The following RCN2 variants were observed in gnomAD, a reference collection of about 807,000 sequenced individuals.
The protein encoded by RCN2 is reticulocalbin 2.
RCN2 carries 23 observed loss-of-function variants against 37.5 expected under a neutral mutation model. The ratio of observed to expected loss-of-function variants is 0.61; its 90% CI spans 0.44 to 0.87. The LOEUF (loss-of-function observed/expected upper bound fraction) is 0.87, where lower values mean the gene tolerates loss of function less well. Among genes scored for constraint, RCN2 ranks in the 40% least tolerant of loss-of-function variants. The pLI, the probability that RCN2 is intolerant of heterozygous loss-of-function variation, is 0.00. For synonymous variants in RCN2, 140 were observed against 144.6 expected, an observed-to-expected ratio of 0.97 and a Z score of 0.23; for missense variants, 381 against 390.4, an observed-to-expected ratio of 0.98 and a Z score of 0.20.
intron 4 of RCN2, among the ~76,000 whole-genome samples, chr15:76,944,627 T>C (rs1234150193): frequency 6.6e-6 from 1 of 152,216 alleles, no homozygotes; most frequent in Non-Finnish European, 1.5e-5. Flanking sequence ...GGGATGTTTG[T>C]CTTTCTGTGC....
chr15:76,936,116 C>T (rs552307571), intron 3 of RCN2, among the ~76,000 whole-genome samples: 2 of 151,574 alleles, frequency 1.3e-5, no homozygotes, highest in African/African-American at 4.8e-5. Flanking sequence ...AAAAAAACTG[C>T]GGTTTCCACA....
chr15:76,936,177 TAA>T (rs550666333), intron 3 of RCN2, among the ~76,000 whole-genome samples: 6 of 144,646 alleles, frequency 4.1e-5, no homozygotes, highest in African/African-American at 1.5e-4. Context: ...AAGTAAGTAT[TAA>T]AAAAAAAAAA....
At chr15:76,932,614 A>ACTTT in intron 2 of RCN2, 148 bp downstream of exon 2, 2 of 627,380 alleles carry the variant, frequency 3.2e-6, no homozygotes, top group Non-Finnish European at 5.7e-6. Context: ...TTATACTTAC[A>ACTTT]AATCTTTAGA....
chr15:76,936,465 C>T (rs985653353), intron 3 of RCN2, among the ~76,000 whole-genome samples: 1 of 151,946 alleles, frequency 6.6e-6, no homozygotes, highest in Non-Finnish European at 1.5e-5. Context: ...CTAAGGAGTG[C>T]GCAACGAAGA....
chr15:76,940,183 A>G (rs766273396), intron 3 of RCN2, among the ~76,000 whole-genome samples: 35 of 151,966 alleles, frequency 2.3e-4, no homozygotes, highest in African/African-American at 7.0e-4. Flanking sequence ...AGAATTTGCT[A>G]TAAGTAACTT....
intron 3 of RCN2, among the ~76,000 whole-genome samples, chr15:76,937,352 T>C (rs978758634): frequency 6.6e-6 from 1 of 152,154 alleles, no homozygotes; most frequent in Non-Finnish European, 1.5e-5. Context: ...CTATTTTTAA[T>C]TTTTTGAGAA....
intron 3 of RCN2, among the ~76,000 whole-genome samples, chr15:76,936,859 A>G (rs554816694): frequency 4.6e-5 from 7 of 152,168 alleles, no homozygotes; most frequent in Non-Finnish European, 8.8e-5. Context: ...AAGTACATTC[A>G]TGGTGTTGTG....
At chr15:76,947,720 C>A in intron 5 of RCN2, 2 of 463,486 alleles carry the variant, frequency 4.3e-6, no homozygotes, top group Non-Finnish European at 7.6e-6. Context: ...CTTTTACTTC[C>A]GTGTCTAGAG....
chr15:76,937,208 G>A (rs1299315268), intron 3 of RCN2, among the ~76,000 whole-genome samples: 1 of 152,062 alleles, frequency 6.6e-6, no homozygotes, highest in Admixed American at 6.6e-5. Context: ...AACTTTTGGA[G>A]CACTGACACG....
chr15:76,939,471 A>AT, intron 3 of RCN2, among the ~76,000 whole-genome samples: 1 of 152,194 alleles, frequency 6.6e-6, no homozygotes, highest in East Asian at 1.9e-4. Context: ...TTAGGATTTT[A>AT]TTTTTTAAGG....
chr15:76,938,254 G>T (rs367654065), intron 3 of RCN2, among the ~76,000 whole-genome samples: 442 of 152,156 alleles, frequency 2.9e-3, no homozygotes, highest in African/African-American at 0.01. Flanking sequence ...ATAATTTATT[G>T]TATTAAACAA....
intron 4 of RCN2, among the ~76,000 whole-genome samples, chr15:76,944,270 C>T (rs1241401471): frequency 2.0e-5 from 3 of 151,918 alleles, no homozygotes; most frequent in Non-Finnish European, 1.5e-5. Flanking sequence ...CGTGAGCCAC[C>T]GCGCCCGGCC....
intron 3 of RCN2, chr15:76,941,606 A>G (rs1214551966): frequency 1.1e-5 from 14 of 1,325,484 alleles, no homozygotes; most frequent in Non-Finnish European, 1.4e-5. Flanking sequence ...AAGTTTTATG[A>G]AACTGACCAT....
chr15:76,942,714 G>C (rs2075280844), intron 3 of RCN2: 1 of 152,382 alleles, frequency 6.6e-6, no homozygotes, highest in South Asian at 2.1e-4. Context: ...GGCTGAGGCA[G>C]GTGGATAGCC....
At chr15:76,935,943 G>A (rs748833788) in intron 3 of RCN2, among the ~76,000 whole-genome samples, 5 of 151,760 alleles carry the variant, frequency 3.3e-5, no homozygotes, top group African/African-American at 7.3e-5. Flanking sequence ...TGTTTTTCTC[G>A]GCTGCATCAT....
chr15:76,948,612 A>T (rs2075306231), intron 6 of RCN2, 60 bp downstream of exon 6: 3 of 1,437,158 alleles, frequency 2.1e-6, no homozygotes, highest in Non-Finnish European at 2.8e-6. Flanking sequence ...GGTGCTGTTG[A>T]TAGGAAAAGA....
chr15:76,937,457 C>G (rs2075256857), intron 3 of RCN2, among the ~76,000 whole-genome samples: 1 of 151,606 alleles, frequency 6.6e-6, no homozygotes, highest in South Asian at 2.1e-4. Flanking sequence ...CACTCTGTTG[C>G]CCAGGCTGAA....
chr15:76,947,908 A>G (rs1260368438), intron 5 of RCN2: 3 of 166,702 alleles, frequency 1.8e-5, no homozygotes, highest in Non-Finnish European at 2.6e-5. Flanking sequence ...AGCTTAGTAG[A>G]AGGTGAATAA....
At chr15:76,936,484 A>G (rs1294142347) in intron 3 of RCN2, among the ~76,000 whole-genome samples, 1 of 152,090 alleles carries the variant, frequency 6.6e-6, no homozygotes, top group Non-Finnish European at 1.5e-5. Context: ...GATCCCTCAC[A>G]TGTACAGTTC....
Sources: allele counts gnomAD v4.1 joint callset (sites outside exome capture counted in the v4.1 genomes callset), GRCh38; gene constraint gnomAD v4.1.1; transcripts MANE v1.5; gene names NCBI Gene and HGNC (gene_info 2026-07-23, HGNC 2026-07-21).